Variants in ZNF606 observed in about 807,000 individuals in gnomAD.
The protein encoded by ZNF606 is zinc finger protein 606.
ZNF606 carries 37 observed loss-of-function variants against 74.9 expected under a neutral mutation model. The observed-to-expected ratio is 0.49, with a 90% CI of 0.38 to 0.65. The LOEUF is 0.65. ZNF606 is among the 30% of genes least tolerant of loss of function. The pLI is 0.00. For missense variants in ZNF606, 852 were observed against 952.9 expected (o/e 0.89, Z 1.39); for synonymous variants, 328 against 312.4 (o/e 1.05, Z -0.53).
intron 4 of ZNF606, chr19:57,999,207 G>A (rs1326555964): frequency 6.5e-6 from 1 of 152,796 alleles, no homozygotes; most frequent in Non-Finnish European, 1.5e-5. Flanking sequence ...TTCACCTCTT[G>A]GCCCAGGTCT....
Position 57,980,160 on chromosome 19 carries a change from A to C in ZNF606, c.520T>G (p.Leu174Val). The change falls in exon 7 of 7, where the codon TTA becomes GTA. Residue 174 changes from leucine (L) to valine (V), a missense_variant. Leu to Val is a conservative substitution (Grantham distance 32). Around this residue, in one of 3 missense-constraint regions of ZNF606, gnomAD observed 545 missense variants for 542.5 expected, o/e 1.00. Transcript: ENST00000551380. Reference protein sequence around the residue: ...YIWDDPWFSRLEVLGCKDQLE... With the variant: ...YIWDDPWFSRVEVLGCKDQLE... ...TGGTCTTTACATCCCAAAACTTCTAACCTGGAGAACCAAGGATCATCCCAT... is the reference window on the plus strand; with the variant it reads ...TGGTCTTTACATCCCAAAACTTCTACCCTGGAGAACCAAGGATCATCCCAT... The C allele has an allele frequency of 6.2e-7, 1 of 1,614,158 alleles. No individual in the cohort carries two copies. Among genetic ancestry groups the C allele is most frequent in the Non-Finnish European group, 8.5e-7 (1 of 1,180,030 alleles).
rs368267303 is a variant in ZNF606, at chr19:58,001,336, C to G, written c.-17G>C. 3.0e-5 allele frequency: 49 copies of G among 1,613,934 alleles called. No homozygotes were observed. Among genetic ancestry groups the G allele is most frequent in the Non-Finnish European group, 4.0e-5 (47 of 1,180,010 alleles). ...GGCTGCCATCCCGAGGACTGATTGA[C>G]CAGGCACCTGCCCAGGAACACAGCA... On this transcript the variant is annotated 5_prime_UTR_variant, in exon 2 of 7. Coordinates refer to ENST00000551380, the MANE Select transcript of ZNF606 (RefSeq NM_001348022.3).
intron 3 of ZNF606, chr19:58,000,134 G>C (rs545743480): frequency 1.9e-6 from 1 of 536,456 alleles, no homozygotes; most frequent in African/African-American, 1.9e-5. Flanking sequence ...AGCAGTGTCT[G>C]GTCACAACCT....
intron 4 of ZNF606, chr19:57,999,102 A>G (rs1188435657): frequency 6.6e-6 from 1 of 152,490 alleles, no homozygotes; most frequent in Non-Finnish European, 1.5e-5. Context: ...AACACTGGTC[A>G]CACAGTGTGC....
intron 6 of ZNF606, among the ~76,000 whole-genome samples, chr19:57,981,950 CT>C (rs1446771751): frequency 6.6e-6 from 1 of 152,218 alleles, no homozygotes; most frequent in Non-Finnish European, 1.5e-5. Context: ...AGCCAAACTC[CT>C]GGCAAGTTTA....
At chr19:57,999,514 G>C (rs1035521) in intron 4 of ZNF606, 3 of 500,710 alleles carry the variant, frequency 6.0e-6, no homozygotes, top group Non-Finnish European at 1.1e-5. Flanking sequence ...CTAAAGACAT[G>C]AGTGAAGGTG....
chr19:57,981,518 A>G (rs2073085669), intron 6 of ZNF606, among the ~76,000 whole-genome samples: 1 of 152,226 alleles, frequency 6.6e-6, no homozygotes, highest in Admixed American at 6.5e-5. Flanking sequence ...CAAGGCCTTT[A>G]GCAAGTAATA....
chr19:58,001,386 A>G lies in ZNF606; in HGVS notation c.-51-16T>C, dbSNP rs750589417. Reference sequence around the variant, plus strand: ...AAATCCCAACCTAGTGACAAAAGTGAAAAAAGACAAAACTAGTCCTTTCTC... The same window carrying G: ...AAATCCCAACCTAGTGACAAAAGTGGAAAAAGACAAAACTAGTCCTTTCTC... On this transcript the variant is annotated splice_polypyrimidine_tract_variant and intron_variant, in intron 1 of 6. Coordinates refer to ENST00000551380, the MANE Select transcript of ZNF606 (RefSeq NM_001348022.3). 1.2e-5 allele frequency: 19 copies of G among 1,601,242 alleles called. No homozygotes were observed. The East Asian group carries it at 3.8e-4, about 32-fold the overall frequency.
chr19:58,001,647 G>T (rs1409420767), intron 1 of ZNF606, among the ~76,000 whole-genome samples: 1 of 152,168 alleles, frequency 6.6e-6, no homozygotes, highest in Non-Finnish European at 1.5e-5. Context: ...GGAACTTTTG[G>T]ATTAATCTGA....
chr19:58,002,202 C>T lies in ZNF606; in HGVS notation c.-52+194G>A, dbSNP rs1056155797. 15 of 456,734 alleles carry T rather than the reference C, an allele frequency of 3.3e-5. No individual in the cohort carries two copies. The Admixed American group carries it at 3.3e-4, about 10-fold the overall frequency. The allele number at this position is 456,734 out of a possible 1,614,324, so 28.3% of individuals were successfully genotyped here. On this transcript the variant is annotated intron_variant, in intron 1 of 6. Transcript: ENST00000551380. ...AGGGAACCCGGAGCTGTTTCCAACC[C>T]AGGTCTGACGTCCTTCACAGTGCTT...
At chr19:58,000,913 G>A (rs373589926) in intron 2 of ZNF606, among the ~76,000 whole-genome samples, 174 bp from the exon 3 acceptor site, 15 of 152,186 alleles carry the variant, frequency 9.9e-5, no homozygotes, top group African/African-American at 3.1e-4. Flanking sequence ...GCACAGGTGA[G>A]TCACTATTAA....
At chr19:57,987,082 CT>C (rs1394688545) in intron 6 of ZNF606, among the ~76,000 whole-genome samples, 2 of 151,882 alleles carry the variant, frequency 1.3e-5, no homozygotes, top group Non-Finnish European at 2.9e-5. Context: ...AGAGCAAGAC[CT>C]TGTCTCAAAA....
intron 6 of ZNF606, among the ~76,000 whole-genome samples, chr19:57,984,294 G>A (rs557032503): frequency 6.6e-6 from 1 of 152,330 alleles, no homozygotes; most frequent in East Asian, 1.9e-4. Context: ...GGAGACAGGT[G>A]AGATGCTTTG....
chr19:57,987,178 G>A (rs1362074872), intron 6 of ZNF606, among the ~76,000 whole-genome samples: 1 of 152,176 alleles, frequency 6.6e-6, no homozygotes, highest in African/African-American at 2.4e-5. Flanking sequence ...CTGTGTGTAT[G>A]CCTCTGTGTA....
chr19:57,988,842 T>C (rs1207386422), intron 4 of ZNF606, 121 bp from the exon 5 acceptor site: 3 of 1,497,172 alleles, frequency 2.0e-6, no homozygotes, highest in Non-Finnish European at 1.8e-6. Flanking sequence ...CTCCTGGTTA[T>C]TCAAGAGTCT....
chr19:57,980,259 T>G lies in ZNF606; in HGVS notation c.421A>C (p.Ser141Arg). The G allele has an allele frequency of 6.2e-7, 1 of 1,606,682 alleles. No homozygotes were observed. The highest frequency in any genetic ancestry group is 8.5e-7 in the Non-Finnish European group (1 of 1,176,814). The change falls in exon 7 of 7, where the codon AGC (serine) becomes CGC (arginine). Residue 141 changes from serine to arginine, a missense_variant. This residue lies in a region of ZNF606 where 545 missense variants were observed against 542.5 expected (regional missense o/e 1.00). Transcript: ENST00000551380. Reference protein sequence around the residue: ...TCPEWVRNLESKALIPAQSIF... With the variant: ...TCPEWVRNLERKALIPAQSIF... ...CTCTGTGCTGGGATCAATGCTTTGC[T>G]TTCAAGATTTCTCACCCATTCTGAA...
chr19:58,000,851 G>T, intron 2 of ZNF606, 112 bp from the exon 3 acceptor site: 2 of 1,008,052 alleles, frequency 2.0e-6, no homozygotes, highest in Non-Finnish European at 2.9e-6. Flanking sequence ...CATAAACAGA[G>T]CCCAAGGGTG....
intron 6 of ZNF606, among the ~76,000 whole-genome samples, chr19:57,984,698 T>C (rs1444413140): frequency 2.0e-5 from 3 of 152,292 alleles, no homozygotes; most frequent in East Asian, 3.9e-4. Context: ...AGAATGTCAG[T>C]GAAAATGGCC....
intron 6 of ZNF606, among the ~76,000 whole-genome samples, chr19:57,981,920 A>G (rs933948390): frequency 6.6e-6 from 1 of 152,222 alleles, no homozygotes; most frequent in Non-Finnish European, 1.5e-5. Context: ...TCTGATGACT[A>G]AAGTCGAGAC....
Sources: gnomAD v4.1 joint callset for allele counts (sites outside exome capture counted in the v4.1 genomes callset) on GRCh38, gnomAD v4.1.1 for gene constraint, gnomAD v4.1.1 regional missense constraint, MANE v1.5 for transcripts, NCBI Gene and HGNC (gene_info 2026-07-23, HGNC 2026-07-21) for gene names.